KLF12: variants seen among roughly 807,000 people sequenced by gnomAD.
KLF12 encodes KLF transcription factor 12, also known as Krueppel-like factor 12.
In KLF12, 9 loss-of-function variants were observed where a neutral mutation model predicts 37.8. The observed-to-expected ratio is 0.24, with a 90% CI of 0.14 to 0.42. The LOEUF (loss-of-function observed/expected upper bound fraction) is 0.42. KLF12 is among the 10% of genes least tolerant of loss of function. KLF12 has a pLI of 1.00. For missense variants in KLF12, 411 were observed against 516.0 expected, an observed-to-expected ratio of 0.80 and a Z score of 1.97; for synonymous variants, 208 against 202.1, an observed-to-expected ratio of 1.03 and a Z score of -0.25.
intron 1 of KLF12, among the ~76,000 whole-genome samples, chr13:74,021,846 G>A (rs937292339): frequency 2.0e-5 from 3 of 152,068 alleles, no homozygotes; most frequent in South Asian, 2.1e-4. Context: ...CAAGAACTTC[G>A]GATAGCAATG....
At chr13:73,915,708 T>C (rs930776784) in intron 3 of KLF12, among the ~76,000 whole-genome samples, 1 of 148,646 alleles carries the variant, frequency 6.7e-6, no homozygotes, top group Admixed American at 6.7e-5. Flanking sequence ...TTTTTTTTTT[T>C]TTTTTAGTAG....
intron 1 of KLF12, among the ~76,000 whole-genome samples, chr13:74,107,203 C>T (rs1426803571): frequency 2.0e-5 from 3 of 152,156 alleles, no homozygotes; most frequent in Non-Finnish European, 4.4e-5. Flanking sequence ...TCCCAAATGC[C>T]CCACTTTTTA....
the KLF12 span, among the ~76,000 whole-genome samples, chr13:74,200,565 G>A: frequency 7.3e-3 from 1,117 of 152,178 alleles, 5 homozygotes; most frequent in Non-Finnish European, 0.011. Flanking sequence ...AAACCAGCTT[G>A]CAAAAGCCCT....
intron 1 of KLF12, among the ~76,000 whole-genome samples, chr13:74,094,145 T>C (rs935097743): frequency 1.3e-5 from 2 of 152,190 alleles, no homozygotes; most frequent in Admixed American, 1.3e-4. Flanking sequence ...AGCTCATAAA[T>C]ATCTGTCATA....
chr13:74,280,207 T>A, the KLF12 span, among the ~76,000 whole-genome samples: 1 of 152,188 alleles, frequency 6.6e-6, no homozygotes, highest in Non-Finnish European at 1.5e-5. Context: ...TCATATCTCC[T>A]TTACACATTA....
the KLF12 span, among the ~76,000 whole-genome samples, chr13:74,161,740 G>A: frequency 8.5e-5 from 13 of 152,142 alleles, no homozygotes; most frequent in Admixed American, 7.9e-4. Context: ...GTGGAAATAT[G>A]GGCTGCATGT....
intron 7 of KLF12, among the ~76,000 whole-genome samples, chr13:73,712,899 C>T (rs941551693): frequency 2.0e-5 from 3 of 152,172 alleles, no homozygotes; most frequent in African/African-American, 7.2e-5. Context: ...AGTGTAAACA[C>T]AACTTTTAAA....
At chr13:73,847,784 A>G (rs1885106368) in intron 3 of KLF12, among the ~76,000 whole-genome samples, 1 of 152,174 alleles carries the variant, frequency 6.6e-6, no homozygotes, top group Non-Finnish European at 1.5e-5. Flanking sequence ...GCTGAAATTG[A>G]GAAATAAATT....
chr13:73,959,124 C>CAGAA (rs1555329379), intron 2 of KLF12, among the ~76,000 whole-genome samples: 1 of 86,838 alleles, frequency 1.2e-5, no homozygotes, highest in Non-Finnish European at 2.4e-5. Flanking sequence ...ACCCCCCTTC[C>CAGAA]AAAAAAAAAC....
intron 7 of KLF12, among the ~76,000 whole-genome samples, chr13:73,709,704 G>A (rs2137639684): frequency 6.6e-6 from 1 of 152,266 alleles, no homozygotes; most frequent in Middle Eastern, 3.4e-3. Context: ...GTGGATGAAT[G>A]GATTTGACAT....
chr13:74,279,543 T>G, the KLF12 span, among the ~76,000 whole-genome samples: 1 of 150,822 alleles, frequency 6.6e-6, no homozygotes, highest in Middle Eastern at 3.4e-3. Context: ...TAGTCATAAG[T>G]GCTCTTTGAG....
chr13:74,022,661 G>A, intron 1 of KLF12, among the ~76,000 whole-genome samples: 1 of 95,682 alleles, frequency 1.0e-5, no homozygotes, highest in Admixed American at 1.5e-4. Flanking sequence ...AGGGAAAAGG[G>A]TAAATCCAAA....
intron 3 of KLF12, among the ~76,000 whole-genome samples, chr13:73,920,241 G>A (rs1293035607): frequency 1.3e-5 from 2 of 152,030 alleles, no homozygotes; most frequent in South Asian, 2.1e-4. Flanking sequence ...TTTGTATTGT[G>A]TGTATATAAG....
intron 1 of KLF12, among the ~76,000 whole-genome samples, chr13:74,053,130 G>A (rs1199994085): frequency 6.6e-6 from 1 of 152,080 alleles, no homozygotes; most frequent in African/African-American, 2.4e-5. Context: ...TGTAATAAAT[G>A]AAAATACCTA....
In KLF12 at chr13:74,086,934, G is replaced by C. The variant is rs77623084; in HGVS notation, c.-32+46805C>G. 5.7e-3 allele frequency among the ~76,000 whole-genome samples: 863 copies of C among 152,272 alleles called. 9 individuals carry two copies. The highest frequency in any genetic ancestry group is 0.02 in the African/African-American group (811 of 41,562). ...TCAAGTGGAAGCACATCATCATAAA[G>C]ACCTCCATCCTTGTCGTCTTCAAGC... On this transcript the variant is annotated intron_variant, in intron 1 of 7. Coordinates refer to ENST00000377669, the MANE Select transcript of KLF12 (RefSeq NM_007249.5).
At chr13:73,750,291 A>C (rs754773425) in intron 6 of KLF12, among the ~76,000 whole-genome samples, 1 of 152,230 alleles carries the variant, frequency 6.6e-6, no homozygotes, top group Non-Finnish European at 1.5e-5. Context: ...CTAAGTTCTA[A>C]TCCTAGCTCC....
At chr13:74,157,613 A>G in the KLF12 span, among the ~76,000 whole-genome samples, 2 of 152,178 alleles carry the variant, frequency 1.3e-5, no homozygotes, top group Admixed American at 1.3e-4. Flanking sequence ...CCTTACAGCC[A>G]TATTTTTCCT....
chr13:73,924,567 C>A (rs1281698443), intron 3 of KLF12, among the ~76,000 whole-genome samples: 2 of 152,094 alleles, frequency 1.3e-5, no homozygotes, highest in African/African-American at 4.8e-5. Flanking sequence ...CTATCTCTTT[C>A]CATCTCCTCC....
chr13:73,966,371 TAA>T (rs1251694323), intron 2 of KLF12, among the ~76,000 whole-genome samples: 5 of 151,574 alleles, frequency 3.3e-5, no homozygotes, highest in Non-Finnish European at 7.4e-5. Flanking sequence ...ATAGTTTTGA[TAA>T]AGAGAACTAA....
Sources: allele counts gnomAD v4.1 joint callset (sites outside exome capture counted in the v4.1 genomes callset), GRCh38; gene constraint gnomAD v4.1.1; transcripts MANE v1.5; gene names NCBI Gene and HGNC (gene_info 2026-07-23, HGNC 2026-07-21).